PTPRN2: variants seen among roughly 807,000 people sequenced by gnomAD.
The protein encoded by PTPRN2 is receptor-type tyrosine-protein phosphatase N2.
Under a neutral mutation model 118.8 loss-of-function variants are expected in PTPRN2, and 74 were observed. That is an observed-to-expected ratio of 0.62 (90% CI 0.52 to 0.76). The LOEUF is 0.76. Among genes scored for constraint, PTPRN2 ranks in the 30% least tolerant of loss-of-function variants. The pLI is 0.00. For synonymous variants in PTPRN2, 641 were observed against 608.0 expected (o/e 1.05, Z -0.80); for missense variants, 1,481 against 1,394.4 (o/e 1.06, Z -0.99).
intron 2 of PTPRN2, among the ~76,000 whole-genome samples, chr7:158,441,080 GCTGGTGGTA>G: frequency 1.4e-5 from 2 of 142,952 alleles, no homozygotes; most frequent in African/African-American, 2.8e-5. Context: ...TGATGGTGGT[GCTGGTGGTA>G]GTGATAGGGG....
At chr7:158,014,752 C>T (rs937138495) in intron 11 of PTPRN2, among the ~76,000 whole-genome samples, 2 of 151,876 alleles carry the variant, frequency 1.3e-5, no homozygotes, top group African/African-American at 4.8e-5. Context: ...CATCTCTTCA[C>T]CCATTCATCT....
intron 12 of PTPRN2, among the ~76,000 whole-genome samples, chr7:157,734,049 G>A (rs113759820): frequency 8.3e-5 from 4 of 47,916 alleles, no homozygotes; most frequent in Admixed American, 4.1e-4. Context: ...CGTCCCATGC[G>A]CCCAGCACAG....
intron 11 of PTPRN2, among the ~76,000 whole-genome samples, chr7:158,071,290 AGGTGCTCGTGG>A (rs1811490379): frequency 6.5e-5 from 4 of 61,410 alleles, no homozygotes; most frequent in Non-Finnish European, 1.2e-4. Context: ...GTGGTGGTGG[AGGTGCTCGTGG>A]TGGAGGTGCC....
chr7:158,276,106 T>A (rs1032939719), intron 3 of PTPRN2, among the ~76,000 whole-genome samples: 1 of 152,156 alleles, frequency 6.6e-6, no homozygotes, highest in Non-Finnish European at 1.5e-5. Context: ...GCGTCTCCTC[T>A]CAGCTTCCTC....
At chr7:157,750,474 T>C (rs1801396227) in intron 12 of PTPRN2, among the ~76,000 whole-genome samples, 1 of 152,172 alleles carries the variant, frequency 6.6e-6, no homozygotes. Flanking sequence ...AGCTGCTTCC[T>C]CCGCACCTAT....
At chr7:158,279,683 G>T (rs866015006) in intron 3 of PTPRN2, among the ~76,000 whole-genome samples, 1 of 151,906 alleles carries the variant, frequency 6.6e-6, no homozygotes, top group Non-Finnish European at 1.5e-5. Flanking sequence ...CACAAGCCCC[G>T]TGTGCAGCCC....
At chr7:158,375,835 C>T (rs1028111794) in intron 2 of PTPRN2, among the ~76,000 whole-genome samples, 5 of 152,206 alleles carry the variant, frequency 3.3e-5, no homozygotes, top group South Asian at 2.1e-4. Flanking sequence ...GGCTGCGGGA[C>T]GGCCAAACTC....
At chr7:158,249,212 T>C (rs1431503803) in intron 3 of PTPRN2, among the ~76,000 whole-genome samples, 1 of 151,740 alleles carries the variant, frequency 6.6e-6, no homozygotes, top group Non-Finnish European at 1.5e-5. Flanking sequence ...ATGCACACCA[T>C]ACATAAATGC....
chr7:157,723,755 G>A (rs1243153443), intron 12 of PTPRN2, among the ~76,000 whole-genome samples: 1 of 152,188 alleles, frequency 6.6e-6, no homozygotes, highest in Non-Finnish European at 1.5e-5. Flanking sequence ...GGCAAGCTCT[G>A]GAAGGAACAC....
intron 11 of PTPRN2, among the ~76,000 whole-genome samples, chr7:157,983,692 G>A (rs1222255787): frequency 6.6e-6 from 1 of 152,220 alleles, no homozygotes; most frequent in Non-Finnish European, 1.5e-5. Context: ...GTGAGCTTGT[G>A]AGTGTAGGCT....
chr7:157,621,588 C>T (rs1803249453), intron 14 of PTPRN2, 79 bp from the exon 15 acceptor site: 1 of 1,568,892 alleles, frequency 6.4e-7, no homozygotes, highest in South Asian at 1.1e-5. Context: ...CAGCGGAGGC[C>T]TTTGCACTCG....
chr7:158,314,478 C>T (rs1380680317), intron 3 of PTPRN2, among the ~76,000 whole-genome samples: 1 of 152,280 alleles, frequency 6.6e-6, no homozygotes, highest in African/African-American at 2.4e-5. Context: ...TACATTGATA[C>T]CCATATCTAC....
At chr7:158,323,968 TACAC>T (rs34540614) in intron 2 of PTPRN2, among the ~76,000 whole-genome samples, 2 of 151,676 alleles carry the variant, frequency 1.3e-5, no homozygotes, top group African/African-American at 4.8e-5. Context: ...CCAACACATG[TACAC>T]ACACACAAGT....
intron 12 of PTPRN2, among the ~76,000 whole-genome samples, chr7:157,879,490 T>G (rs920413162): frequency 1.3e-5 from 2 of 152,234 alleles, no homozygotes; most frequent in African/African-American, 4.8e-5. Context: ...TTAAGCTCCA[T>G]GCAGAGTGTC....
At chr7:158,567,175 T>C (rs1827717895) in intron 1 of PTPRN2, among the ~76,000 whole-genome samples, 1 of 152,240 alleles carries the variant, frequency 6.6e-6, no homozygotes, top group African/African-American at 2.4e-5. Flanking sequence ...CCCATTAACA[T>C]AGCCAATCCT....
At chr7:158,382,017 T>C (rs1811001788) in intron 2 of PTPRN2, among the ~76,000 whole-genome samples, 2 of 152,144 alleles carry the variant, frequency 1.3e-5, no homozygotes, top group Non-Finnish European at 1.5e-5. Flanking sequence ...CAATTTAAGA[T>C]GGGATTTGGG....
Position 158,167,103 on chromosome 7 carries a change from G to A in PTPRN2, c.738C>T (p.Leu246=), listed in dbSNP as rs1237816606. 6.2e-7 allele frequency: 1 copy of A among 1,612,980 alleles called. No individual in the cohort carries two copies. Among genetic ancestry groups the A allele is most frequent in the African/African-American group, 1.3e-5 (1 of 74,884 alleles). ...GGGGCCTCTGGGCAGCATAGGCACT[G>A]AGGGCCGCCATCAGATGGTGTCTGT... ...GVDRHHLMAA[L]SAYAAQRPPA... The change falls in exon 6 of 23, where the codon CTC becomes CTT. Residue 246 remains leucine, a synonymous_variant. Transcript: ENST00000389418.
intron 2 of PTPRN2, among the ~76,000 whole-genome samples, chr7:158,359,282 G>A (rs117534600): frequency 0.011 from 1,723 of 152,352 alleles, 20 homozygotes; most frequent in Non-Finnish European, 0.015. Context: ...CTTCTGATTT[G>A]AACAGGATCA....
In PTPRN2 at chr7:158,022,432, G is replaced by A. The variant is rs1806954541; in HGVS notation, c.1723+58866C>T. Among the ~76,000 whole-genome samples the A allele has an allele frequency of 6.6e-6, 1 of 152,182 alleles. No individual in the cohort carries two copies. Among genetic ancestry groups the A allele is most frequent in the African/African-American group, 2.4e-5 (1 of 41,456 alleles). On this transcript the variant is annotated intron_variant, in intron 11 of 22. Transcript: ENST00000389418. This position sits in a 1 kb window ranked among gnomAD's most constrained non-coding sequence, Gnocchi z 4.6. The stretch of plus-strand genomic sequence containing the variant: ...AGGGAAGACCAGCGCAGCCCATGAT[G>A]TGTTCACAGCCAAGGCCCCGGCACC...
Sources: allele counts gnomAD v4.1 joint callset (sites outside exome capture counted in the v4.1 genomes callset), GRCh38; gene constraint gnomAD v4.1.1; non-coding constraint Gnocchi (gnomAD v3.1); transcripts MANE v1.5; gene names NCBI Gene and HGNC (gene_info 2026-07-23, HGNC 2026-07-21).